Variants in DTX1 observed in about 807,000 individuals in gnomAD.
DTX1 encodes E3 ubiquitin-protein ligase DTX1.
In DTX1, 26 loss-of-function variants were observed where a neutral mutation model predicts 57.8. The observed-to-expected ratio is 0.45, with a 90% CI of 0.33 to 0.62. The LOEUF is 0.62. Ranked by LOEUF, DTX1 falls within the 20% of genes least tolerant of loss-of-function variation. DTX1 has a pLI of 0.02. For synonymous variants in DTX1, 398 were observed against 394.1 expected (o/e 1.01, Z -0.12); for missense variants, 704 against 895.3 (o/e 0.79, Z 2.73).
chr12:113,068,185 T>C (rs1159674964), intron 2 of DTX1, among the ~76,000 whole-genome samples: 1 of 152,254 alleles, frequency 6.6e-6, no homozygotes, highest in African/African-American at 2.4e-5. Context: ...TGTATTTGGT[T>C]ATTCATTCAT....
chr12:113,063,700 T>C (rs114058798), intron 2 of DTX1, among the ~76,000 whole-genome samples: 6,506 of 152,320 alleles, frequency 0.043, 440 homozygotes, highest in African/African-American at 0.15. Flanking sequence ...GGTGGCTGGT[T>C]CTGGGATCTT....
chr12:113,058,011 A>C lies in DTX1; in HGVS notation c.-182A>C. On this transcript the variant is annotated 5_prime_UTR_variant, in exon 2 of 10. The change abolishes an upstream ATG in the 5' untranslated region. Transcript: ENST00000548759. ...CAGGGAAGGGGTCTTTGCAGCCTGG[A>C]TGGCCATCCCACATTCCTTTAACGG... 1 of 963,578 alleles carries C rather than the reference A, an allele frequency of 1.0e-6. No homozygotes were observed. Among genetic ancestry groups the C allele is most frequent in the South Asian group, 1.8e-5 (1 of 56,606 alleles). The allele number at this position is 963,578 out of a possible 1,614,324, so 59.7% of individuals were successfully genotyped here.
At chr12:113,081,682 G>T (rs2044818545) in intron 3 of DTX1, among the ~76,000 whole-genome samples, 1 of 152,256 alleles carries the variant, frequency 6.6e-6, no homozygotes, top group East Asian at 1.9e-4. Flanking sequence ...AACTTCAAGG[G>T]GGCTCGAAGG....
At chr12:113,067,997 C>G (rs987951133) in intron 2 of DTX1, among the ~76,000 whole-genome samples, 2 of 152,104 alleles carry the variant, frequency 1.3e-5, no homozygotes, top group African/African-American at 4.8e-5. Flanking sequence ...TATCATGGCA[C>G]CACTGCAATC....
At chr12:113,067,285 C>T (rs1200504090) in intron 2 of DTX1, among the ~76,000 whole-genome samples, 5 of 152,008 alleles carry the variant, frequency 3.3e-5, no homozygotes, top group Admixed American at 6.6e-5. Context: ...CCAGGGCCCT[C>T]CCCCTGGCTG....
chr12:113,097,368 C>T lies in DTX1; in HGVS notation c.*429C>T, dbSNP rs534131914. 2.4e-4 allele frequency: 37 copies of T among 157,124 alleles called. No individual in the cohort carries two copies. The South Asian group carries it at 5.3e-3, about 23-fold the overall frequency. 9.7% of individuals were successfully genotyped at this position (157,124 alleles called of 1,614,324 possible). A position where few individuals can be genotyped will look rare whatever the true frequency, so the allele number is the denominator to read the frequency against. ...AGCCTTGTCTGCAAACTGGAGGATG[C>T]GGGGCAAGCCCTTAGGGGCCTGCCA... On this transcript the variant is annotated 3_prime_UTR_variant, in exon 10 of 10. Coordinates refer to ENST00000548759, the MANE Select transcript of DTX1 (RefSeq NM_004416.3).
Position 113,077,615 on chromosome 12 carries a change from A to G in DTX1, c.451A>G (p.Ile151Val). ...CTCATCGCTAGGCTTCTGCTACCTC[A>G]TCTACTTCAACAGCATGTCGCAGAT... is the stretch of plus-strand genomic sequence containing the variant. ...DLSSLGFCYL[I>V]YFNSMSQMNR... The change falls in exon 3 of 10, where the codon ATC becomes GTC. Residue 151 changes from isoleucine (I) to valine (V), a missense_variant. Transcript: ENST00000548759. This position sits in a 1 kb window ranked among gnomAD's most constrained non-coding sequence, Gnocchi z 7.8. 6.2e-7 allele frequency: 1 copy of G among 1,612,640 alleles called. No homozygotes were observed. Among genetic ancestry groups the G allele is most frequent in the Non-Finnish European group, 8.5e-7 (1 of 1,179,694 alleles).
In DTX1 at chr12:113,093,275, C is replaced by T. The variant is rs2136067076; in HGVS notation, c.1003+52C>T. 6.5e-7 allele frequency: 1 copy of T among 1,539,624 alleles called. No homozygotes were observed. The highest frequency in any genetic ancestry group is 8.8e-7 in the Non-Finnish European group (1 of 1,139,084). On this transcript the variant is annotated intron_variant, in intron 4 of 9. Coordinates refer to ENST00000548759, the MANE Select transcript of DTX1 (RefSeq NM_004416.3). This position sits in a 1 kb window ranked among gnomAD's most constrained non-coding sequence, Gnocchi z 4.2. ...AAGGGCGGGGCCCACTAGGAGGCAGCTCCGCCTGTCACCCGGTGACCCCGC... is the reference window on the plus strand; with the variant it reads ...AAGGGCGGGGCCCACTAGGAGGCAGTTCCGCCTGTCACCCGGTGACCCCGC...
intron 2 of DTX1, among the ~76,000 whole-genome samples, chr12:113,072,635 A>ATAAGG (rs2044744066): frequency 1.3e-5 from 2 of 151,086 alleles, no homozygotes; most frequent in South Asian, 4.2e-4. Flanking sequence ...CATTTTATAG[A>ATAAGG]TAAGGGCACT....
chr12:113,093,632 G>A lies in DTX1; in HGVS notation c.1097G>A (p.Ser366Asn). 1 of 1,613,602 alleles carries A rather than the reference G, an allele frequency of 6.2e-7. No individual in the cohort carries two copies. Residue 366 changes from serine to asparagine, a missense_variant, in exon 5 of 10, where the codon AGC becomes AAC. Coordinates refer to ENST00000548759, the MANE Select transcript of DTX1 (RefSeq NM_004416.3). This position sits in a 1 kb window ranked among gnomAD's most constrained non-coding sequence, Gnocchi z 4.2. ...PILHPPPVSK[S>N]DVKPVPGVPG... ...CTGCACCCGCCGCCCGTGAGCAAGA[G>A]CGACGTGAAGCCCGTGCCTGGCGTG...
rs577503588 is a variant in DTX1 at position 113,057,848 on chromosome 12, G to C, written c.-345G>C. 2 of 293,394 alleles carry C rather than the reference G, an allele frequency of 6.8e-6. No homozygotes were observed. Among genetic ancestry groups the C allele is most frequent in the Admixed American group, 4.8e-5 (1 of 20,842 alleles). The allele number at this position is 293,394 out of a possible 1,614,324, so 18.2% of individuals were successfully genotyped here. ...GGGACCAAGAGACAACACGGAAGAG[G>C]CTGGACCTCGAACAGGGGCGGCTGC... is the stretch of plus-strand genomic sequence containing the variant. On this transcript the variant is annotated 5_prime_UTR_variant, in exon 2 of 10. Coordinates refer to ENST00000548759, the MANE Select transcript of DTX1 (RefSeq NM_004416.3).
intron 3 of DTX1, among the ~76,000 whole-genome samples, chr12:113,086,755 T>C (rs1052636275): frequency 6.6e-6 from 1 of 152,094 alleles, no homozygotes; most frequent in Non-Finnish European, 1.5e-5. Context: ...ATTTCAGGGG[T>C]TTGAAAATGT....
In DTX1 at chr12:113,097,618, TCTC is replaced by T. The variant is rs1390820649; in HGVS notation, c.*682_*684del. ...GCCTCTTCATCTCTCTGGACTCTGA[TCTC>T]CTTCTCCCTTCCCATCTCCAGGCCT... On this transcript the variant is annotated 3_prime_UTR_variant, in exon 10 of 10. Transcript: ENST00000548759. 7 of 152,344 alleles carry T rather than the reference TCTC, an allele frequency of 4.6e-5. No individual in the cohort carries two copies. Among genetic ancestry groups the T allele is most frequent in the African/African-American group, 1.2e-4 (5 of 41,442 alleles). 9.4% of individuals were successfully genotyped at this position (152,344 alleles called of 1,614,324 possible).
chr12:113,095,949 T>C (rs1282867013), intron 9 of DTX1, among the ~76,000 whole-genome samples: 1 of 152,148 alleles, frequency 6.6e-6, no homozygotes, highest in Non-Finnish European at 1.5e-5. Flanking sequence ...GGCTCATGCC[T>C]CTAATCCCAG....
chr12:113,088,676 C>A (rs1474555077), intron 3 of DTX1, among the ~76,000 whole-genome samples: 3 of 152,176 alleles, frequency 2.0e-5, no homozygotes, highest in African/African-American at 4.8e-5. Flanking sequence ...AAGGTAAGGA[C>A]AAAGATGGGC....
intron 2 of DTX1, among the ~76,000 whole-genome samples, chr12:113,071,935 C>T (rs935832331): frequency 6.6e-6 from 1 of 152,224 alleles, no homozygotes; most frequent in East Asian, 1.9e-4. Context: ...GCAGGAAAAT[C>T]GATACCTGGT....
Position 113,058,101 on chromosome 12 carries a change from C to T in DTX1, c.-92C>T, listed in dbSNP as rs1225241751. The T allele has an allele frequency of 1.4e-6, 2 of 1,462,210 alleles. No homozygotes were observed. The highest frequency in any genetic ancestry group is 1.4e-5 in the African/African-American group (1 of 70,342). The allele number at this position is 1,462,210 out of a possible 1,614,324, so 90.6% of individuals were successfully genotyped here. ...AGGCCAGACGGTCCTTGCTGTCCCC[C>T]TGGGGAGAGAGGAAGTTGCCGCCTG... On this transcript the variant is annotated 5_prime_UTR_variant, in exon 2 of 10. Transcript: ENST00000548759.
At position 113,095,108 on chromosome 12, in the gene DTX1, G is replaced by T; in HGVS notation, c.1453G>T (p.Gly485Trp). ...GGAGAAGACGGGTACGCAGCCGCCT[G>T]GGAAGATGGAGTTCCACCTCATCCC... is the stretch of plus-strand genomic sequence containing the variant. ...YGEKTGTQPP[G>W]KMEFHLIPHS... The change falls in exon 8 of 10, where the codon GGG becomes TGG. Residue 485 changes from glycine to tryptophan, a missense_variant. By Grantham distance (184) the Gly-to-Trp change is radical. Transcript: ENST00000548759. The T allele has an allele frequency of 6.2e-7, 1 of 1,613,870 alleles. No homozygotes were observed. Among genetic ancestry groups the T allele is most frequent in the Non-Finnish European group, 8.5e-7 (1 of 1,179,802 alleles).
At chr12:113,070,074 C>T (rs1421969664) in intron 2 of DTX1, among the ~76,000 whole-genome samples, 2 of 152,176 alleles carry the variant, frequency 1.3e-5, no homozygotes, top group Non-Finnish European at 2.9e-5. Flanking sequence ...GGACCACTCA[C>T]AGATGGCATC....
Sources: gnomAD v4.1 joint callset for allele counts (sites outside exome capture counted in the v4.1 genomes callset) on GRCh38, gnomAD v4.1.1 for gene constraint, Gnocchi (gnomAD v3.1) non-coding constraint, MANE v1.5 for transcripts, NCBI Gene and HGNC (gene_info 2026-07-23, HGNC 2026-07-21) for gene names.